The following ESR2 variants were observed in gnomAD, a reference collection of about 807,000 sequenced individuals.
ESR2 encodes estrogen receptor 2, also known as estrogen receptor beta.
Under a neutral mutation model 49.6 loss-of-function variants are expected in ESR2, and 36 were observed. The ratio of observed to expected loss-of-function variants is 0.73; its 90% CI spans 0.56 to 0.96. ESR2 has a LOEUF of 0.96. Ranked by LOEUF, ESR2 falls within the 40% of genes least tolerant of loss-of-function variation. The pLI, the probability that ESR2 is intolerant of heterozygous loss-of-function variation, is 0.00. For synonymous variants in ESR2, 320 were observed against 266.1 expected, an observed-to-expected ratio of 1.20 and a Z score of -1.97; for missense variants, 714 against 693.0, an observed-to-expected ratio of 1.03 and a Z score of -0.34.
chr14:64,314,398 G>C (rs2077226134), intron 1 of ESR2, among the ~76,000 whole-genome samples: 1 of 149,612 alleles, frequency 6.7e-6, no homozygotes, highest in Non-Finnish European at 1.5e-5. Context: ...GTGTGTATTA[G>C]AAAAGAGGGA....
intron 1 of ESR2, chr14:64,336,512 C>G (rs2077534155): frequency 6.6e-6 from 1 of 152,224 alleles, no homozygotes; most frequent in South Asian, 2.1e-4. Flanking sequence ...TTTCACCTGT[C>G]TTGTAAGGCA....
intron 3 of ESR2, among the ~76,000 whole-genome samples, chr14:64,272,237 T>G (rs546647778): frequency 2.6e-5 from 4 of 152,364 alleles, no homozygotes; most frequent in African/African-American, 9.6e-5. Flanking sequence ...TGCCCATTTT[T>G]AAATTGGATT....
At position 64,282,986 on chromosome 14, in the gene ESR2, G is replaced by A; in HGVS notation, c.-1C>T. ...TAGATGGTGAGTTTTTTATATCCAT[G>A]TCTTGAGATAACAGCTGAGAAAACA... On this transcript the variant is annotated 5_prime_UTR_variant, in exon 2 of 9. Coordinates refer to ENST00000341099, the MANE Select transcript of ESR2 (RefSeq NM_001437.3). 1 of 1,609,662 alleles carries A rather than the reference G, an allele frequency of 6.2e-7. No homozygotes were observed. Among genetic ancestry groups the A allele is most frequent in the African/African-American group, 1.3e-5 (1 of 74,936 alleles).
rs1251249166 is a variant in ESR2 at position 64,228,340 on chromosome 14, C to T, written c.*4797G>A. Among the ~76,000 whole-genome samples the T allele has an allele frequency of 1.3e-5, 2 of 152,164 alleles. No individual in the cohort carries two copies. The highest frequency in any genetic ancestry group is 2.9e-5 in the Non-Finnish European group (2 of 68,026). ...CATTTTTAAAGCCAAAATAATGAAA[C>T]ACTTTATTTATATCATGTTAAACTC... On this transcript the variant is annotated 3_prime_UTR_variant, in exon 9 of 9. Transcript: ENST00000341099.
chr14:64,328,126 G>A (rs1225943751), intron 1 of ESR2, among the ~76,000 whole-genome samples: 1 of 151,838 alleles, frequency 6.6e-6, no homozygotes, highest in African/African-American at 2.4e-5. Flanking sequence ...GGAGGCTGAG[G>A]CAGGAGAATC....
chr14:64,308,997 GAAAGAAAAGAAAATGA>G, intron 1 of ESR2, among the ~76,000 whole-genome samples: 1 of 151,738 alleles, frequency 6.6e-6, no homozygotes, highest in Admixed American at 6.6e-5. Flanking sequence ...AAAGAGAAAA[GAAAGAAAAGAAAATGA>G]AAAGAAAAGA....
At chr14:64,297,265 C>T (rs1452317171), upstream of ESR2, among the ~76,000 whole-genome samples, 2 of 152,160 alleles carry the variant, frequency 1.3e-5, no homozygotes, top group African/African-American at 4.8e-5. Flanking sequence ...TATTAACTTA[C>T]TAGCATTTAT....
At chr14:64,228,099 G>A, downstream of ESR2, 1 of 1,323,736 alleles carries the variant, frequency 7.6e-7, no homozygotes. Flanking sequence ...AGATGAAATT[G>A]TTCTTTTTAA....
chr14:64,255,603 T>TA (rs1450784914), intron 6 of ESR2, among the ~76,000 whole-genome samples: 1 of 152,228 alleles, frequency 6.6e-6, no homozygotes, highest in African/African-American at 2.4e-5. Flanking sequence ...ATCCTACCTG[T>TA]AAGCAGGTTT....
At chr14:64,273,350 G>A (rs2076487620) in intron 3 of ESR2, among the ~76,000 whole-genome samples, 1 of 151,966 alleles carries the variant, frequency 6.6e-6, no homozygotes, top group Non-Finnish European at 1.5e-5. Context: ...GTACTATGTT[G>A]AATAACAGTG....
intron 7 of ESR2, 142 bp from the exon 8 acceptor site, chr14:64,235,292 CT>C: frequency 1.2e-6 from 1 of 800,186 alleles, no homozygotes; most frequent in Non-Finnish European, 1.9e-6. Context: ...TAAGCATGGT[CT>C]TACCTCCCCC....
At position 64,228,880 on chromosome 14, in the gene ESR2, C is replaced by G. The variant is rs144285001; in HGVS notation, c.*4257G>C. Among the ~76,000 whole-genome samples, 1 of 152,208 alleles carries G rather than the reference C, an allele frequency of 6.6e-6. No homozygotes were observed. Among genetic ancestry groups the G allele is most frequent in the Non-Finnish European group, 1.5e-5 (1 of 68,028 alleles). On this transcript the variant is annotated 3_prime_UTR_variant, in exon 9 of 9. Coordinates refer to ENST00000341099, the MANE Select transcript of ESR2 (RefSeq NM_001437.3). ...ATCATACATCACAGACAATGCACAT[C>G]TTAAGAGCTGCCACTGGAGCCAAAA...
rs2076191163 is a variant in ESR2, at chr14:64,260,517, A to G, written c.884T>C (p.Met295Thr). The G allele has an allele frequency of 1.9e-6, 3 of 1,552,390 alleles. No individual in the cohort carries two copies. Among genetic ancestry groups the G allele is most frequent in the Non-Finnish European group, 2.6e-6 (3 of 1,149,302 alleles). Residue 295 changes from methionine (M) to threonine (T), a missense_variant, in exon 5 of 9, where the codon ATG becomes ACG. Coordinates refer to ENST00000341099, the MANE Select transcript of ESR2 (RefSeq NM_001437.3). The part of the protein sequence containing the change: ...PSAPFTEASM[M>T]MSLTKLADKE... ...GTCGGCCAACTTGGTCAGGGACATC[A>G]TCATGGAGGCCTCGGTGAAGGGCGC...
chr14:64,335,874 G>A (rs947330205), intron 1 of ESR2: 1 of 139,522 alleles, frequency 7.2e-6, no homozygotes, highest in Admixed American at 8.0e-5. Flanking sequence ...GCGTGATCTC[G>A]GCTTACTGCA....
intron 1 of ESR2, among the ~76,000 whole-genome samples, chr14:64,289,613 T>C (rs753495304): frequency 7.9e-5 from 12 of 152,230 alleles, no homozygotes; most frequent in Admixed American, 4.6e-4. Flanking sequence ...GGTATATCAC[T>C]GGATACACAT....
intron 1 of ESR2, among the ~76,000 whole-genome samples, chr14:64,323,173 T>C (rs1455711202): frequency 6.6e-6 from 1 of 152,204 alleles, no homozygotes; most frequent in Non-Finnish European, 1.5e-5. Context: ...CTGTTTAGCA[T>C]AGCTTTAAGT....
intron 7 of ESR2, among the ~76,000 whole-genome samples, chr14:64,241,714 C>T (rs1387974267): frequency 1.3e-5 from 2 of 152,122 alleles, no homozygotes; most frequent in Admixed American, 6.5e-5. Flanking sequence ...TTTCAATTTC[C>T]AATTGCTCAC....
At chr14:64,311,970 T>C (rs1174947506) in intron 1 of ESR2, among the ~76,000 whole-genome samples, 1 of 152,182 alleles carries the variant, frequency 6.6e-6, no homozygotes, top group Non-Finnish European at 1.5e-5. Flanking sequence ...TTCCTTCTCT[T>C]GAGTTTTCTA....
At chr14:64,304,172 T>G (rs1200017165) in intron 1 of ESR2, among the ~76,000 whole-genome samples, 1 of 152,212 alleles carries the variant, frequency 6.6e-6, no homozygotes, top group Non-Finnish European at 1.5e-5. Flanking sequence ...CTGGGCACAG[T>G]GGTGCATGCC....
Sources: gnomAD v4.1 joint callset for allele counts (sites outside exome capture counted in the v4.1 genomes callset) on GRCh38, gnomAD v4.1.1 for gene constraint, MANE v1.5 for transcripts, NCBI Gene and HGNC (gene_info 2026-07-23, HGNC 2026-07-21) for gene names.